The following PCDH15 variants were observed in gnomAD, a reference collection of about 807,000 sequenced individuals.
PCDH15 encodes the protein protocadherin-15.
PCDH15 carries 129 observed loss-of-function variants against 178.5 expected under a neutral mutation model. The observed-to-expected ratio is 0.72, with a 90% CI of 0.63 to 0.84. The LOEUF is 0.84. PCDH15 is among the 40% of genes least tolerant of loss of function. The pLI, the probability that PCDH15 is intolerant of heterozygous loss-of-function variation, is 0.00. For missense variants in PCDH15, 2,230 were observed against 2,099.9 expected (o/e 1.06, Z -1.21); for synonymous variants, 800 against 732.0 (o/e 1.09, Z -1.50).
chr10:54,264,608 T>C (rs976386519), intron 8 of PCDH15, among the ~76,000 whole-genome samples: 4 of 152,000 alleles, frequency 2.6e-5, no homozygotes, highest in African/African-American at 9.7e-5. Flanking sequence ...TAAATAAATT[T>C]CGAAATACGG....
intron 3 of PCDH15, among the ~76,000 whole-genome samples, chr10:54,380,141 G>A (rs1412688006): frequency 2.0e-5 from 3 of 151,484 alleles, no homozygotes; most frequent in African/African-American, 4.9e-5. Context: ...GTCTTTATCC[G>A]CCTAAGAAAT....
chr10:54,567,355 A>C (rs2089193753), intron 2 of PCDH15, among the ~76,000 whole-genome samples: 1 of 152,152 alleles, frequency 6.6e-6, no homozygotes, highest in Non-Finnish European at 1.5e-5. Context: ...CAGATTATCA[A>C]TCTTTAAATG....
intron 2 of PCDH15, among the ~76,000 whole-genome samples, chr10:55,445,587 T>C (rs1405848684): frequency 6.6e-6 from 1 of 152,180 alleles, no homozygotes; most frequent in African/African-American, 2.4e-5. Flanking sequence ...TGTATTCTTT[T>C]TGTGGTTTGC....
intron 2 of PCDH15, among the ~76,000 whole-genome samples, chr10:55,062,953 T>C (rs1313705515): frequency 6.6e-6 from 1 of 152,158 alleles, no homozygotes; most frequent in African/African-American, 2.4e-5. Context: ...TAATAAAAGA[T>C]GTATGTGAAT....
intron 21 of PCDH15, among the ~76,000 whole-genome samples, chr10:53,974,051 T>G (rs1564903206): frequency 6.6e-6 from 1 of 152,192 alleles, no homozygotes; most frequent in East Asian, 1.9e-4. Context: ...AGAGTTTCAC[T>G]CTGTCGTCCG....
intron 26 of PCDH15, among the ~76,000 whole-genome samples, chr10:53,900,305 T>A (rs2082256509): frequency 6.6e-6 from 1 of 151,694 alleles, no homozygotes; most frequent in Non-Finnish European, 1.5e-5. Flanking sequence ...GTATATTATA[T>A]TGCATGAAGT....
At position 55,037,734 on chromosome 10, in the gene PCDH15, A is replaced by G. The variant is rs544020687; in HGVS notation, c.-80+128842T>C. ...TTACCTTTTATTTGTGACTCTTAAG[A>G]AGTATACTGTTTGTCCTAATGATTT... On this transcript the variant is annotated intron_variant, in intron 2 of 5. Transcript: ENST00000458638. Among the ~76,000 whole-genome samples, 10 of 152,282 alleles carry G rather than the reference A, an allele frequency of 6.6e-5. No individual in the cohort carries two copies. In the South Asian group the frequency reaches 1.2e-3, roughly 19 times the overall value.
intron 3 of PCDH15, among the ~76,000 whole-genome samples, chr10:54,449,142 G>A (rs1278689278): frequency 6.6e-6 from 1 of 151,568 alleles, no homozygotes; most frequent in Non-Finnish European, 1.5e-5. Context: ...ACTCACTTGG[G>A]CCCAACCCTT....
intron 1 of PCDH15, among the ~76,000 whole-genome samples, chr10:54,748,798 G>A (rs573585740): frequency 1.8e-3 from 275 of 152,288 alleles, no homozygotes; most frequent in Non-Finnish European, 2.9e-3. Context: ...GGGTGGAAAA[G>A]CACTCATTTA....
At position 54,818,098 on chromosome 10, in the gene PCDH15, CTCTG is replaced by C. The variant is rs149499372; in HGVS notation, c.-29+79348_-29+79351del. Among the ~76,000 whole-genome samples, 463 of 151,852 alleles carry C rather than the reference CTCTG, an allele frequency of 3.0e-3. 6 individuals are homozygous for C. The East Asian group carries it at 0.045, about 15-fold the overall frequency. ...CACATCTCATCTTTTTTTTCCTCTC[CTCTG>C]TCTATCTATCCATGTAGTTTAGATT... On this transcript the variant is annotated intron_variant, in intron 3 of 5. Coordinates refer to the PCDH15 transcript ENST00000458638.
intron 2 of PCDH15, among the ~76,000 whole-genome samples, chr10:55,328,944 ATATAT>A (rs1334683407): frequency 5.7e-4 from 72 of 127,286 alleles, no homozygotes; most frequent in Non-Finnish European, 9.2e-4. Context: ...ATATATATAT[ATATAT>A]AAAATATATA....
intron 2 of PCDH15, among the ~76,000 whole-genome samples, chr10:55,028,780 G>T (rs2131963859): frequency 6.6e-6 from 1 of 152,054 alleles, no homozygotes; most frequent in Non-Finnish European, 1.5e-5. Flanking sequence ...GTCTGGTGTT[G>T]TAAGCTACAC....
chr10:55,458,865 C>T (rs1435033010), intron 2 of PCDH15, among the ~76,000 whole-genome samples: 14 of 151,938 alleles, frequency 9.2e-5, no homozygotes, highest in Non-Finnish European at 1.5e-5. Flanking sequence ...GACAAAAACA[C>T]TAAAACGGTA....
At chr10:55,382,149 CCA>C (rs1044202177) in intron 2 of PCDH15, among the ~76,000 whole-genome samples, 7 of 152,164 alleles carry the variant, frequency 4.6e-5, no homozygotes, top group Admixed American at 3.9e-4. Context: ...TTGATACTAG[CCA>C]CAAATTCATC....
chr10:55,492,652 A>T (rs1840443406), intron 2 of PCDH15, among the ~76,000 whole-genome samples: 1 of 151,804 alleles, frequency 6.6e-6, no homozygotes, highest in Non-Finnish European at 1.5e-5. Context: ...ATTTTCAATG[A>T]TAATAACAGC....
chr10:54,900,887 T>C (rs1337710226), intron 2 of PCDH15, among the ~76,000 whole-genome samples: 1 of 152,166 alleles, frequency 6.6e-6, no homozygotes, highest in African/African-American at 2.4e-5. Context: ...AGTATTATGA[T>C]AGTATTGGTC....
chr10:54,342,685 C>A (rs1158758534), intron 6 of PCDH15, among the ~76,000 whole-genome samples: 1 of 152,164 alleles, frequency 6.6e-6, no homozygotes, highest in African/African-American at 2.4e-5. Flanking sequence ...CTTGGAAAAA[C>A]CACAAGCACT....
chr10:53,997,053 T>C (rs1406588697), intron 20 of PCDH15, among the ~76,000 whole-genome samples: 3 of 152,164 alleles, frequency 2.0e-5, no homozygotes, highest in African/African-American at 4.8e-5. Context: ...CAATGCTTCC[T>C]TTTATATTCG....
At chr10:54,481,614 T>C (rs1262516477) in intron 3 of PCDH15, among the ~76,000 whole-genome samples, 1 of 151,836 alleles carries the variant, frequency 6.6e-6, no homozygotes, top group Non-Finnish European at 1.5e-5. Context: ...ATAGCTTCCA[T>C]GTATTGAATG....
Sources: gnomAD v4.1 joint callset for allele counts (sites outside exome capture counted in the v4.1 genomes callset) on GRCh38, gnomAD v4.1.1 for gene constraint, MANE v1.5 for transcripts, NCBI Gene and HGNC (gene_info 2026-07-23, HGNC 2026-07-21) for gene names.